The following PBLD variants were observed in gnomAD, a reference collection of about 807,000 sequenced individuals.
PBLD encodes the protein phenazine biosynthesis-like domain-containing protein.
In PBLD, 26 loss-of-function variants were observed where a neutral mutation model predicts 31.3. That is an observed-to-expected ratio of 0.83 (90% CI 0.61 to 1.15). PBLD has a LOEUF of 1.15. Ranked by LOEUF, PBLD falls within the 50% of genes most tolerant of loss-of-function variation. The pLI, the probability that PBLD is intolerant of heterozygous loss-of-function variation, is 0.00. For missense variants in PBLD, 307 were observed against 351.7 expected, an observed-to-expected ratio of 0.87 and a Z score of 1.02; for synonymous variants, 114 against 129.0, an observed-to-expected ratio of 0.88 and a Z score of 0.79.
chr10:68,303,055 ATTAT>A lies in PBLD; in HGVS notation c.84+3702_84+3705del, dbSNP rs10535286. On this transcript the variant is annotated intron_variant, in intron 2 of 9. Coordinates refer to ENST00000358769, the MANE Select transcript of PBLD (RefSeq NM_022129.4). ...TGTCAGGCATCTGAGGACACCATCA[ATTAT>A]TTATTTATTTATTTATTTATTTATT... 6.1e-4 allele frequency among the ~76,000 whole-genome samples: 92 copies of A among 149,678 alleles called. 1 individual carries two copies. Among genetic ancestry groups the A allele is most frequent in the African/African-American group, 9.6e-4 (39 of 40,510 alleles).
Position 68,288,918 on chromosome 10 carries a change from C to T in PBLD, c.512+13G>A. 1 of 1,612,816 alleles carries T rather than the reference C, an allele frequency of 6.2e-7. No homozygotes were observed. The highest frequency in any genetic ancestry group is 8.5e-7 in the Non-Finnish European group (1 of 1,178,786). ...AGCCCTCCCCAAAGTGCTGATGCAGCCAAAAATCTTACCTGTTGTAAACGT... is the reference window on the plus strand; with the variant it reads ...AGCCCTCCCCAAAGTGCTGATGCAGTCAAAAATCTTACCTGTTGTAAACGT... On this transcript the variant is annotated intron_variant, in intron 7 of 9. Transcript: ENST00000358769.
At chr10:68,321,986 G>A (rs2044841383) in intron 1 of PBLD, among the ~76,000 whole-genome samples, 1 of 152,166 alleles carries the variant, frequency 6.6e-6, no homozygotes. Context: ...CCAGGACCCT[G>A]AGTATGGGCT....
In PBLD at chr10:68,289,142, T is replaced by C. The variant is rs2044325310; in HGVS notation, c.424-123A>G. On this transcript the variant is annotated intron_variant, in intron 6 of 9. Coordinates refer to ENST00000358769, the MANE Select transcript of PBLD (RefSeq NM_022129.4). ...AGCCAAGCATGCCCATCGTCTCCAG[T>C]CCCCAAGAGTGTTAGTGCAGTTTCA... is the stretch of plus-strand genomic sequence containing the variant. 7.1e-6 allele frequency: 5 copies of C among 700,236 alleles called. No individual in the cohort carries two copies. In the South Asian group the frequency reaches 8.6e-5, roughly 12 times the overall value. The allele number at this position is 700,236 out of a possible 1,614,324, so 43.4% of individuals were successfully genotyped here. A position where few individuals can be genotyped will look rare whatever the true frequency, so the allele number is the denominator to read the frequency against.
intron 6 of PBLD, among the ~76,000 whole-genome samples, chr10:68,289,589 G>T (rs1018088092): frequency 1.3e-5 from 2 of 151,458 alleles, no homozygotes; most frequent in Non-Finnish European, 2.9e-5. Flanking sequence ...CCTACTATGT[G>T]CCTCAATGCA....
intron 2 of PBLD, among the ~76,000 whole-genome samples, chr10:68,302,326 G>A (rs1253148120): frequency 1.3e-5 from 2 of 152,108 alleles, no homozygotes; most frequent in South Asian, 4.1e-4. Flanking sequence ...AGGTTCCATC[G>A]CCTTATGACC....
intron 1 of PBLD, among the ~76,000 whole-genome samples, chr10:68,307,228 C>T (rs933972883): frequency 6.6e-6 from 1 of 151,976 alleles, no homozygotes; most frequent in Non-Finnish European, 1.5e-5. Flanking sequence ...CAGGTTTTCA[C>T]GGTGTAGGCC....
intron 1 of PBLD, among the ~76,000 whole-genome samples, chr10:68,324,895 C>T (rs1219435373): frequency 2.7e-5 from 4 of 150,488 alleles, no homozygotes; most frequent in Admixed American, 6.6e-5. Flanking sequence ...GGATTACAGG[C>T]GTGAGCCATC....
Position 68,285,393 on chromosome 10 carries a change from G to C in PBLD, c.709C>G (p.Leu237Val), listed in dbSNP as rs768424103. 1.2e-6 allele frequency: 2 copies of C among 1,613,832 alleles called. No individual in the cohort carries two copies. Among genetic ancestry groups the C allele is most frequent in the South Asian group, 2.2e-5 (2 of 90,988 alleles). ...DPVTGSAHAV[L>V]SSYWSQHLGK... ...AGATGCTGGGACCAGTAGCTGCTGA[G>C]AACAGCGTGTGCAGACCCTCAAAAG... Residue 237 changes from leucine (L) to valine (V), a missense_variant, in exon 9 of 10, where the codon CTC becomes GTC. By Grantham distance (32) the Leu-to-Val change is conservative (BLOSUM62 1). Transcript: ENST00000358769.
At chr10:68,293,573 G>A (rs186407440) in intron 4 of PBLD, among the ~76,000 whole-genome samples, 69 of 152,262 alleles carry the variant, frequency 4.5e-4, no homozygotes, top group Non-Finnish European at 9.1e-4. Context: ...TTCTCATTAC[G>A]ATTTGCATAA....
chr10:68,329,405 C>T (rs1030978411), intron 1 of PBLD, among the ~76,000 whole-genome samples: 13 of 152,122 alleles, frequency 8.5e-5, no homozygotes, highest in South Asian at 4.1e-4. Flanking sequence ...ACAAAATATG[C>T]GGAAGGAATG....
At chr10:68,310,710 C>T (rs1589664669) in intron 1 of PBLD, among the ~76,000 whole-genome samples, 1 of 149,620 alleles carries the variant, frequency 6.7e-6, no homozygotes, top group East Asian at 2.1e-4. Context: ...ATTTGTCTTT[C>T]TGTGTTTGGC....
At chr10:68,307,409 T>C (rs945697236) in intron 1 of PBLD, among the ~76,000 whole-genome samples, 3 of 152,220 alleles carry the variant, frequency 2.0e-5, no homozygotes, top group African/African-American at 7.2e-5. Flanking sequence ...ATATTCTGTA[T>C]TGACTTTTCA....
At chr10:68,292,297 A>G in intron 4 of PBLD, 59 bp from the exon 5 acceptor site, 1 of 1,366,958 alleles carries the variant, frequency 7.3e-7, no homozygotes, top group South Asian at 1.2e-5. Flanking sequence ...GCGCATGTCC[A>G]TTTCAAACAC....
chr10:68,291,505 G>A (rs2044357911), intron 6 of PBLD, among the ~76,000 whole-genome samples: 1 of 152,040 alleles, frequency 6.6e-6, no homozygotes, highest in African/African-American at 2.4e-5. Flanking sequence ...ACTGACAGCT[G>A]CCAGGAAGGT....
intron 4 of PBLD, among the ~76,000 whole-genome samples, chr10:68,294,365 C>T (rs1417174290): frequency 6.6e-6 from 1 of 152,158 alleles, no homozygotes; most frequent in Admixed American, 6.6e-5. Context: ...CAAGGAAGTA[C>T]CATAGGGTAC....
At chr10:68,286,026 G>C (rs1050773733) in intron 8 of PBLD, among the ~76,000 whole-genome samples, 1 of 149,876 alleles carries the variant, frequency 6.7e-6, no homozygotes, top group Admixed American at 6.7e-5. Flanking sequence ...TTTAATTCTT[G>C]TCTTGTCTAC....
chr10:68,300,671 G>A (rs1377404299), intron 2 of PBLD, among the ~76,000 whole-genome samples: 1 of 152,072 alleles, frequency 6.6e-6, no homozygotes, highest in Non-Finnish European at 1.5e-5. Flanking sequence ...GCATCTAGGT[G>A]GGGAGTCAAG....
At chr10:68,317,436 A>T (rs1415260160) in intron 1 of PBLD, among the ~76,000 whole-genome samples, 1 of 152,172 alleles carries the variant, frequency 6.6e-6, no homozygotes, top group Non-Finnish European at 1.5e-5. Context: ...ATCACTAATC[A>T]TTAGGGAAAT....
chr10:68,309,564 C>T (rs1431133667), intron 1 of PBLD, among the ~76,000 whole-genome samples: 2 of 149,380 alleles, frequency 1.3e-5, no homozygotes, highest in African/African-American at 2.5e-5. Flanking sequence ...AATCCTAGCA[C>T]TTTGGGAGGC....
Sources: gnomAD v4.1 joint callset for allele counts (sites outside exome capture counted in the v4.1 genomes callset) on GRCh38, gnomAD v4.1.1 for gene constraint, MANE v1.5 for transcripts, NCBI Gene and HGNC (gene_info 2026-07-23, HGNC 2026-07-21) for gene names.